RASGRF2: variants seen among roughly 807,000 people sequenced by gnomAD.
The protein encoded by RASGRF2 is Ras protein specific guanine nucleotide releasing factor 2.
In RASGRF2, 76 loss-of-function variants were observed where a neutral mutation model predicts 151.0. The observed-to-expected ratio is 0.50, with a 90% CI of 0.42 to 0.61. The LOEUF is 0.61. Ranked by LOEUF, RASGRF2 falls within the 20% of genes least tolerant of loss-of-function variation. The probability of loss-of-function intolerance (pLI) is 0.00; values close to 1 mark genes in which losing one functional copy is unlikely to be tolerated. For missense variants in RASGRF2, 1,148 were observed against 1,564.6 expected, an observed-to-expected ratio of 0.73 and a Z score of 4.49; for synonymous variants, 504 against 566.5, an observed-to-expected ratio of 0.89 and a Z score of 1.57.
At chr5:81,141,836 T>C (rs1429310164) in intron 17 of RASGRF2, among the ~76,000 whole-genome samples, 1 of 152,170 alleles carries the variant, frequency 6.6e-6, no homozygotes, top group East Asian at 1.9e-4. Context: ...ATTCACAGCA[T>C]TGTGGAAATC....
intron 1 of RASGRF2, among the ~76,000 whole-genome samples, chr5:80,984,484 A>T (rs1267699660): frequency 6.6e-6 from 1 of 152,242 alleles, no homozygotes; most frequent in South Asian, 2.1e-4. Flanking sequence ...TAAAGATTAT[A>T]CTTTCCTTTG....
At chr5:80,983,950 T>C (rs946986098) in intron 1 of RASGRF2, among the ~76,000 whole-genome samples, 1 of 152,236 alleles carries the variant, frequency 6.6e-6, no homozygotes, top group Non-Finnish European at 1.5e-5. Context: ...GTGGTGCGTA[T>C]TATATTTCTG....
chr5:81,001,151 G>C (rs984202182), intron 1 of RASGRF2, among the ~76,000 whole-genome samples: 1 of 152,164 alleles, frequency 6.6e-6, no homozygotes, highest in African/African-American at 2.4e-5. Context: ...GTTGTTCTTT[G>C]TGTCTTCACT....
intron 23 of RASGRF2, among the ~76,000 whole-genome samples, chr5:81,213,875 A>T (rs1580411765): frequency 6.6e-6 from 1 of 152,312 alleles, no homozygotes; most frequent in South Asian, 2.1e-4. Flanking sequence ...AAACAAAAAA[A>T]CAAACTTTTG....
intron 18 of RASGRF2, among the ~76,000 whole-genome samples, chr5:81,186,211 C>T (rs930732494): frequency 4.6e-5 from 7 of 152,028 alleles, no homozygotes; most frequent in East Asian, 1.9e-4. Flanking sequence ...TATCACATAC[C>T]GCATATAAAG....
chr5:81,207,929 G>A (rs771378428), intron 21 of RASGRF2, among the ~76,000 whole-genome samples: 1 of 152,226 alleles, frequency 6.6e-6, no homozygotes, highest in Non-Finnish European at 1.5e-5. Flanking sequence ...AGAAAATTCT[G>A]CTTCTGACTA....
At chr5:81,017,009 T>C (rs1366030087) in intron 1 of RASGRF2, among the ~76,000 whole-genome samples, 1 of 152,192 alleles carries the variant, frequency 6.6e-6, no homozygotes, top group Non-Finnish European at 1.5e-5. Flanking sequence ...TCGTACTGTT[T>C]TTGTATGTGC....
intron 1 of RASGRF2, among the ~76,000 whole-genome samples, chr5:80,995,442 C>G (rs536406840): frequency 6.6e-6 from 1 of 150,486 alleles, no homozygotes; most frequent in African/African-American, 2.5e-5. Context: ...ATATGAGATA[C>G]ATGATATTCA....
rs547111513 is a variant in RASGRF2, at chr5:81,077,289, G to T, written c.888-2832G>T. ...TCTAGAGTACAATCAAAGGGGTGTTGACCGAGGTCAATGGAGGACAAGATC... is the reference window on the plus strand; with the variant it reads ...TCTAGAGTACAATCAAAGGGGTGTTTACCGAGGTCAATGGAGGACAAGATC... On this transcript the variant is annotated intron_variant, in intron 5 of 26. Transcript: ENST00000265080. Among the ~76,000 whole-genome samples the T allele has an allele frequency of 4.6e-5, 7 of 152,298 alleles. 1 individual carries two copies. The highest frequency in any genetic ancestry group is 1.4e-4 in the African/African-American group (6 of 41,558).
intron 24 of RASGRF2, chr5:81,217,059 A>G: frequency 2.3e-6 from 1 of 443,794 alleles, no homozygotes; most frequent in South Asian, 1.7e-5. Context: ...GTTTACAAGT[A>G]TTGCAAACAA....
chr5:81,142,362 G>A (rs1580354638), intron 17 of RASGRF2, among the ~76,000 whole-genome samples: 1 of 152,192 alleles, frequency 6.6e-6, no homozygotes, highest in Non-Finnish European at 1.5e-5. Flanking sequence ...TCACTGCTCT[G>A]CTATCTGCCA....
At chr5:81,057,992 C>T (rs914517209) in intron 2 of RASGRF2, among the ~76,000 whole-genome samples, 6 of 151,634 alleles carry the variant, frequency 4.0e-5, no homozygotes, top group African/African-American at 1.2e-4. Flanking sequence ...GAAGAACCTG[C>T]CTCAAAAATA....
chr5:81,208,127 T>C (rs1340298789), intron 21 of RASGRF2, among the ~76,000 whole-genome samples: 1 of 152,194 alleles, frequency 6.6e-6, no homozygotes. Flanking sequence ...GTTCCAAACA[T>C]TTATAAGAGA....
intron 2 of RASGRF2, among the ~76,000 whole-genome samples, chr5:81,044,396 G>A (rs1034740717): frequency 6.6e-6 from 1 of 152,054 alleles, no homozygotes; most frequent in East Asian, 1.9e-4. Flanking sequence ...CCAGTCTTGG[G>A]GAGAGAGCAA....
intron 1 of RASGRF2, among the ~76,000 whole-genome samples, chr5:80,986,653 G>GT (rs946966862): frequency 2.0e-5 from 3 of 152,212 alleles, no homozygotes; most frequent in African/African-American, 7.2e-5. Context: ...CTAACTTGGA[G>GT]TTTAAGCTAC....
chr5:81,026,304 A>G (rs1331346051), intron 1 of RASGRF2, among the ~76,000 whole-genome samples: 1 of 150,294 alleles, frequency 6.7e-6, no homozygotes. Context: ...TGGCCAGTGA[A>G]GGAGACTTTC....
At chr5:81,135,906 A>T (rs1753741842) in intron 17 of RASGRF2, among the ~76,000 whole-genome samples, 1 of 152,194 alleles carries the variant, frequency 6.6e-6, no homozygotes, top group African/African-American at 2.4e-5. Flanking sequence ...CAGCAGTGTA[A>T]TTGAGTTCCA....
chr5:81,087,385 C>G (rs1461347770), intron 9 of RASGRF2: 1 of 698,602 alleles, frequency 1.4e-6, no homozygotes, highest in Admixed American at 2.0e-5. Context: ...TCTGTTGTTC[C>G]CATTTTTCAT....
chr5:81,071,051 T>C (rs1044477791), intron 4 of RASGRF2, among the ~76,000 whole-genome samples: 6 of 152,188 alleles, frequency 3.9e-5, no homozygotes, highest in Non-Finnish European at 8.8e-5. Context: ...TCAGCAGATT[T>C]TTCCCTCTTA....
Sources: allele counts gnomAD v4.1 joint callset (sites outside exome capture counted in the v4.1 genomes callset), GRCh38; gene constraint gnomAD v4.1.1; transcripts MANE v1.5; gene names NCBI Gene and HGNC (gene_info 2026-07-23, HGNC 2026-07-21).